The following CEACAM19 variants were observed in gnomAD, a reference collection of about 807,000 sequenced individuals.
CEACAM19 encodes the protein CEA cell adhesion molecule 19, also known as cell adhesion molecule CEACAM19.
Under a neutral mutation model 37.6 loss-of-function variants are expected in CEACAM19, and 37 were observed. The ratio of observed to expected loss-of-function variants is 0.98; its 90% confidence interval spans 0.76 to 1.29. The LOEUF (loss-of-function observed/expected upper bound fraction) is 1.29. Among genes scored for constraint, CEACAM19 ranks in the 50% most tolerant of loss-of-function variants. CEACAM19 has a pLI of 0.00. For missense variants in CEACAM19, 340 were observed against 375.6 expected (o/e 0.91, Z 0.78); for synonymous variants, 140 against 149.8 (o/e 0.93, Z 0.48).
At position 44,680,449 on chromosome 19, in the gene CEACAM19, C is replaced by T. The variant is rs543173617; in HGVS notation, c.706+115C>T. On this transcript the variant is annotated intron_variant, in intron 5 of 7. Transcript: ENST00000358777. ...ACTCAGAGACCTCCCAATGCACCTG[C>T]CCCGAGACCTCTCTGGGGCCCCCTG... The T allele has an allele frequency of 3.8e-5, 36 of 958,492 alleles. No homozygotes were observed. In the African/African-American group the frequency reaches 5.5e-4, roughly 15 times the overall value. 59.4% of individuals were successfully genotyped at this position (958,492 alleles called of 1,614,324 possible).
upstream of CEACAM19, among the ~76,000 whole-genome samples, chr19:44,668,721 GTATA>G (rs1315052265): frequency 1.2e-5 from 1 of 86,618 alleles, no homozygotes; most frequent in Non-Finnish European, 2.0e-5. Flanking sequence ...ATTATAATAT[GTATA>G]TATAAATATA....
At chr19:44,678,724 T>C in intron 3 of CEACAM19, 129 bp from the exon 4 acceptor site, 6 of 1,348,446 alleles carry the variant, frequency 4.4e-6, no homozygotes, top group Non-Finnish European at 5.9e-6. Flanking sequence ...ATTTTTTTAC[T>C]CAAAACCGCA....
rs141629360 is a variant in CEACAM19, at chr19:44,683,429, C to A, written c.847-8C>A. ...GTCATAATTCTGTTCTCTCTTCCCC[C>A]CAAGCAGGACCTGCTAAACCCCGAC... On this transcript the variant is annotated splice_region_variant and splice_polypyrimidine_tract_variant and intron_variant, in intron 7 of 7. Coordinates refer to ENST00000358777, the MANE Select transcript of CEACAM19 (RefSeq NM_001127893.3). 138 of 1,523,904 alleles carry A rather than the reference C, an allele frequency of 9.1e-5. No homozygotes were observed. In the African/African-American group the frequency reaches 1.4e-3, roughly 16 times the overall value. 94.4% of individuals were successfully genotyped at this position (1,523,904 alleles called of 1,614,324 possible). A position where few individuals can be genotyped will look rare whatever the true frequency, so the allele number is the denominator to read the frequency against.
At chr19:44,670,700 C>A (rs568628963), upstream of CEACAM19, among the ~76,000 whole-genome samples, 1 of 140,758 alleles carries the variant, frequency 7.1e-6, no homozygotes, top group African/African-American at 2.6e-5. Context: ...ACAAAATATT[C>A]TTGCAATTAT....
upstream of CEACAM19, among the ~76,000 whole-genome samples, chr19:44,666,673 G>A (rs1327173257): frequency 6.6e-6 from 1 of 152,018 alleles, no homozygotes; most frequent in Non-Finnish European, 1.5e-5. Context: ...CTGTCAGGTG[G>A]ATTCTGAGGG....
In CEACAM19 at chr19:44,681,313, G is replaced by A. The variant is rs369842569; in HGVS notation, c.792+1G>A. 1 of 1,610,758 alleles carries A rather than the reference G, an allele frequency of 6.2e-7. No homozygotes were observed. Among genetic ancestry groups the A allele is most frequent in the East Asian group, 2.2e-5 (1 of 44,828 alleles). ...CACAAGGTCCATAAACCCAGCCCGG[G>A]TGAGTCCCGTCCCCAGCCTCTCCCC... On this transcript the variant is annotated splice_donor_variant, in intron 6 of 7. Coordinates refer to ENST00000358777, the MANE Select transcript of CEACAM19 (RefSeq NM_001127893.3). LOFTEE classifies it high-confidence loss of function.
At chr19:44,682,501 C>T in intron 6 of CEACAM19, 66 bp from the exon 7 acceptor site, 2 of 1,498,240 alleles carry the variant, frequency 1.3e-6, no homozygotes, top group Non-Finnish European at 1.8e-6. Flanking sequence ...TGTCCTAGCA[C>T]CAAAGGTCAA....
chr19:44,668,559 T>TAC (rs1156309455), upstream of CEACAM19, among the ~76,000 whole-genome samples: 1,858 of 42,404 alleles, frequency 0.044, 394 homozygotes, highest in African/African-American at 0.21. Flanking sequence ...TATAATTATA[T>TAC]ACATATTATA....
upstream of CEACAM19, among the ~76,000 whole-genome samples, chr19:44,667,906 A>G (rs1568512372): frequency 9.3e-5 from 7 of 75,090 alleles, no homozygotes; most frequent in South Asian, 2.9e-3. Context: ...ATAATATATA[A>G]AATATATATA....
intron 4 of CEACAM19, among the ~76,000 whole-genome samples, chr19:44,679,689 T>A (rs189094452): frequency 1.3e-5 from 2 of 151,262 alleles, no homozygotes; most frequent in Admixed American, 1.3e-4. Flanking sequence ...GCGGAGCTTT[T>A]AGTGAGCCGA....
chr19:44,681,394 ATCTTGACAC>A, intron 6 of CEACAM19, 82 bp downstream of exon 6: 1 of 822,676 alleles, frequency 1.2e-6, no homozygotes, highest in Non-Finnish European at 2.0e-6. Context: ...CCTCTGGGCC[ATCTTGACAC>A]CAGGTTTGGG....
chr19:44,681,186 G>A (rs2122150510), intron 5 of CEACAM19, 41 bp from the exon 6 acceptor site: 4 of 1,394,486 alleles, frequency 2.9e-6, no homozygotes, highest in Non-Finnish European at 4.1e-6. Flanking sequence ...GGCCTGTGGG[G>A]CCCATGTGTC....
At chr19:44,670,781 GAAAAAAA>G (rs74691226), upstream of CEACAM19, among the ~76,000 whole-genome samples, 116 of 58,168 alleles carry the variant, frequency 2.0e-3, no homozygotes, top group Admixed American at 4.2e-3. Context: ...CCTGTCTCAA[GAAAAAAA>G]AAAAAAAAAA....
At chr19:44,675,747 C>T (rs916923622) in intron 2 of CEACAM19, among the ~76,000 whole-genome samples, 4 of 151,740 alleles carry the variant, frequency 2.6e-5, no homozygotes, top group Non-Finnish European at 5.9e-5. Context: ...GATCATGCCA[C>T]TGCATTCCAG....
chr19:44,675,710 G>A (rs1177563290), intron 2 of CEACAM19, among the ~76,000 whole-genome samples: 2 of 151,892 alleles, frequency 1.3e-5, no homozygotes, highest in African/African-American at 4.8e-5. Flanking sequence ...GGCTTAAGCC[G>A]AGGAGTTGGA....
chr19:44,670,799 A>AG (rs1340833324), upstream of CEACAM19, among the ~76,000 whole-genome samples: 5 of 138,050 alleles, frequency 3.6e-5, no homozygotes, highest in Non-Finnish European at 7.7e-5. Flanking sequence ...AAAAAAAAAA[A>AG]AAAAAAAAAA....
Position 44,683,507 on chromosome 19 carries a change from C to T in CEACAM19, c.*17C>T. 6.6e-7 allele frequency: 1 copy of T among 1,514,522 alleles called. No homozygotes were observed. Among genetic ancestry groups the T allele is most frequent in the Non-Finnish European group, 8.9e-7 (1 of 1,122,532 alleles). The allele number at this position is 1,514,522 out of a possible 1,614,324, so 93.8% of individuals were successfully genotyped here. Reference sequence around the variant, plus strand: ...ACTTCCTGATGGGTCCTGGGCCAGGCCAGCCAGGGAGAAGACAAGGCCCCA... The same window carrying T: ...ACTTCCTGATGGGTCCTGGGCCAGGTCAGCCAGGGAGAAGACAAGGCCCCA... On this transcript the variant is annotated 3_prime_UTR_variant, in exon 8 of 8. Coordinates refer to ENST00000358777, the MANE Select transcript of CEACAM19 (RefSeq NM_001127893.3).
At chr19:44,667,702 A>ATTATATAAATATATATAAATTATATAT (rs1555767209), upstream of CEACAM19, among the ~76,000 whole-genome samples, 11 of 80,484 alleles carry the variant, frequency 1.4e-4, no homozygotes, top group East Asian at 1.6e-3. Flanking sequence ...TATAATATAT[A>ATTATATAAATATATATAAATTATATAT]TTATATAAAT....
chr19:44,667,848 AC>A (rs1330607656), upstream of CEACAM19, among the ~76,000 whole-genome samples: 39 of 68,690 alleles, frequency 5.7e-4, no homozygotes, highest in African/African-American at 1.8e-3. Flanking sequence ...TATAATATAT[AC>A]AATATATATA....
Sources: gnomAD v4.1 joint callset for allele counts (sites outside exome capture counted in the v4.1 genomes callset) on GRCh38, gnomAD v4.1.1 for gene constraint, MANE v1.5 for transcripts, NCBI Gene and HGNC (gene_info 2026-07-23, HGNC 2026-07-21) for gene names.